LOC400499: variants seen among roughly 807,000 people sequenced by gnomAD.
chr16:11,494,552 C>G, the LOC400499 span: 11 of 396,704 alleles, frequency 2.8e-5, no homozygotes, highest in Non-Finnish European at 3.6e-5. Context: ...GAAGCCGGTA[C>G]TCAGGACACT....
chr16:11,484,418 A>C, the LOC400499 span, among the ~76,000 whole-genome samples: 14 of 152,306 alleles, frequency 9.2e-5, no homozygotes, highest in East Asian at 2.3e-3. Flanking sequence ...AGAATGTATC[A>C]AACTGTACAC....
At chr16:11,436,843 C>T in the LOC400499 span, among the ~76,000 whole-genome samples, 1 of 152,110 alleles carries the variant, frequency 6.6e-6, no homozygotes. Flanking sequence ...ATCTGTCTGC[C>T]TCGACCTCCC....
chr16:11,457,113 G>C, the LOC400499 span: 5 of 1,419,390 alleles, frequency 3.5e-6, no homozygotes, highest in Admixed American at 2.5e-5. Context: ...CCGGGAAGTT[G>C]AGGCAGCAGC....
chr16:11,380,766 G>A, the LOC400499 span: 19 of 152,188 alleles, frequency 1.2e-4, no homozygotes, highest in Admixed American at 1.2e-3. Flanking sequence ...TTGTGACACT[G>A]TGGCTGTAAG....
At chr16:11,396,368 C>A in the LOC400499 span, 2 of 792,950 alleles carry the variant, frequency 2.5e-6, no homozygotes, top group Non-Finnish European at 3.4e-6. Context: ...CTGGCCCCAT[C>A]CAGAATGCTG....
At chr16:11,417,676 C>A in the LOC400499 span, 1 of 399,236 alleles carries the variant, frequency 2.5e-6, no homozygotes, top group Non-Finnish European at 4.4e-6. Context: ...GCCTGGGAAC[C>A]CTGCCCACAA....
the LOC400499 span, among the ~76,000 whole-genome samples, chr16:11,466,020 G>T: frequency 6.6e-6 from 1 of 152,332 alleles, no homozygotes; most frequent in East Asian, 1.9e-4. Flanking sequence ...ATATTTGTAA[G>T]AGCAGAAACC....
the LOC400499 span, among the ~76,000 whole-genome samples, chr16:11,488,508 C>A: frequency 6.6e-6 from 1 of 152,148 alleles, no homozygotes; most frequent in African/African-American, 2.4e-5. Flanking sequence ...CAGACTTGAC[C>A]TCCTGGGCTC....
At chr16:11,391,616 G>A in the LOC400499 span, 51 of 1,221,502 alleles carry the variant, frequency 4.2e-5, no homozygotes, top group South Asian at 1.6e-3. Context: ...GGTGGAGAGG[G>A]GGGACATTGA....
chr16:11,381,700 A>T, the LOC400499 span, among the ~76,000 whole-genome samples: 4 of 152,044 alleles, frequency 2.6e-5, no homozygotes, highest in Non-Finnish European at 5.9e-5. Context: ...CTTAAATAAT[A>T]GTTGAGCTGG....
At chr16:11,452,259 C>T in the LOC400499 span, among the ~76,000 whole-genome samples, 1 of 135,346 alleles carries the variant, frequency 7.4e-6, no homozygotes, top group Non-Finnish European at 1.6e-5. Flanking sequence ...TTTCTCATTA[C>T]ATTGGGCTGG....
At chr16:11,393,671 C>T in the LOC400499 span, 1 of 909,484 alleles carries the variant, frequency 1.1e-6, no homozygotes, top group South Asian at 5.8e-5. Context: ...GCTGTTGGAC[C>T]TGTAGGGAAC....
the LOC400499 span, among the ~76,000 whole-genome samples, chr16:11,393,173 A>T: frequency 1.7e-4 from 20 of 115,062 alleles, no homozygotes; most frequent in Middle Eastern, 4.9e-3. Flanking sequence ...CCTTTTTTTT[A>T]AGTAGAGACG....
At chr16:11,388,524 C>T in the LOC400499 span, among the ~76,000 whole-genome samples, 2 of 152,128 alleles carry the variant, frequency 1.3e-5, no homozygotes, top group African/African-American at 4.8e-5. Context: ...GCTTGGAGCC[C>T]GGTTCCTGGT....
the LOC400499 span, among the ~76,000 whole-genome samples, chr16:11,513,694 C>T: frequency 3.9e-5 from 6 of 152,138 alleles, no homozygotes; most frequent in South Asian, 1.2e-3. Flanking sequence ...GCCTCCCAAA[C>T]CGCTGGGATT....
the LOC400499 span, chr16:11,514,623 G>A: frequency 7.5e-5 from 30 of 399,060 alleles, no homozygotes; most frequent in Middle Eastern, 1.2e-3. Context: ...GAGGAGGGAC[G>A]AGGGACACAT....
chr16:11,456,784 G>A, the LOC400499 span: 1 of 1,481,758 alleles, frequency 6.7e-7, no homozygotes, highest in Non-Finnish European at 9.1e-7. Flanking sequence ...CCAGGAAGGA[G>A]GCATAGCTTG....
At chr16:11,456,919 G>A in the LOC400499 span, 2 of 1,536,280 alleles carry the variant, frequency 1.3e-6, no homozygotes, top group Admixed American at 3.9e-5. Context: ...GCCACAAACA[G>A]CGGCCGCCCA....
chr16:11,422,310 GA>G, the LOC400499 span, among the ~76,000 whole-genome samples: 1 of 152,204 alleles, frequency 6.6e-6, no homozygotes, highest in East Asian at 1.9e-4. Flanking sequence ...GCTGAGGCAG[GA>G]GACACTTGAA....
Sources: allele counts gnomAD v4.1 joint callset (sites outside exome capture counted in the v4.1 genomes callset), GRCh38; gene constraint gnomAD v4.1.1; transcripts MANE v1.5.